Variants in AHI1 observed in about 807,000 individuals in gnomAD.
AHI1 encodes the protein Abelson helper integration site 1, also known as jouberin.
A neutral mutation model predicts 149.3 loss-of-function variants in AHI1; 123 were observed. The ratio of observed to expected loss-of-function variants is 0.82; its 90% confidence interval spans 0.71 to 0.96. The LOEUF is 0.96. Among genes scored for constraint, AHI1 ranks in the 40% least tolerant of loss-of-function variants. The pLI, the probability that AHI1 is intolerant of heterozygous loss-of-function variation, is 0.00. For missense variants in AHI1, 1,439 were observed against 1,422.7 expected (o/e 1.01, Z -0.18); for synonymous variants, 475 against 459.8 (o/e 1.03, Z -0.42).
At chr6:135,408,024 G>C (rs2757653) in intron 21 of AHI1, among the ~76,000 whole-genome samples, 89,193 of 150,756 alleles carry the variant, frequency 0.59, 26,545 homozygotes, top group Middle Eastern at 0.67. Context: ...GACAGAGTGA[G>C]ATTCCGTCTC....
rs79808313 is a variant in AHI1, at chr6:135,301,786, A to T, written c.3427-1228T>A. The T allele has an allele frequency of 7.4e-3, 7,316 of 985,428 alleles. 184 individuals carry two copies. The highest frequency in any genetic ancestry group is 0.07 in the South Asian group (1,484 of 21,290). 61.0% of individuals were successfully genotyped at this position (985,428 alleles called of 1,614,324 possible). A position where few individuals can be genotyped will look rare whatever the true frequency, so the allele number is the denominator to read the frequency against. ...CCAGTGGAATTGCTCTGACTCAGTT[A>T]AAACGTGTTTGGGAAAAAAGTACAT... is the stretch of plus-strand genomic sequence containing the variant. On this transcript the variant is annotated intron_variant, in intron 26 of 28. Coordinates refer to ENST00000265602, the MANE Select transcript of AHI1 (RefSeq NM_001134831.2).
intron 23 of AHI1, among the ~76,000 whole-genome samples, chr6:135,386,619 GTTTT>G (rs1161859068): frequency 6.6e-6 from 1 of 151,358 alleles, no homozygotes; most frequent in Non-Finnish European, 1.5e-5. Flanking sequence ...CTAGAAAAGT[GTTTT>G]TTCTTTTCTT....
intron 26 of AHI1, chr6:135,301,407 C>A (rs1783867486): frequency 5.1e-6 from 5 of 984,640 alleles, no homozygotes; most frequent in Non-Finnish European, 6.0e-6. Context: ...AGGAATACAA[C>A]CTTCTCTTTC....
chr6:135,335,041 G>T (rs1789170594), intron 24 of AHI1, among the ~76,000 whole-genome samples: 1 of 152,164 alleles, frequency 6.6e-6, no homozygotes, highest in African/African-American at 2.4e-5. Flanking sequence ...CACATATCAA[G>T]TAGTAACTGA....
intron 5 of AHI1, among the ~76,000 whole-genome samples, chr6:135,477,065 G>A (rs1346783819): frequency 3.4e-5 from 5 of 148,780 alleles, no homozygotes; most frequent in African/African-American, 1.2e-4. Flanking sequence ...TTTTGAGACA[G>A]AGTCTCGCTC....
rs1782205618 is a variant in AHI1, at chr6:135,290,491, G to C, written c.3520C>G (p.Gln1174Glu). 8.1e-6 allele frequency: 13 copies of C among 1,613,590 alleles called. No individual in the cohort carries two copies. Among genetic ancestry groups the C allele is most frequent in the Non-Finnish European group, 1.0e-5 (12 of 1,179,780 alleles). Residue 1174 changes from glutamine (Q) to glutamate (E), a missense_variant, in exon 28 of 29, where the codon CAA becomes GAA. By Grantham distance (29) the Gln-to-Glu change is conservative (BLOSUM62 2). Coordinates refer to ENST00000265602, the MANE Select transcript of AHI1 (RefSeq NM_001134831.2). ...ATCCGTGTATCCATTATGTGTCCTT[G>C]GTCCTCATGGCTCTGTTCTTTTCTC... Reference protein sequence around the residue: ...EMRKEQSHEDQGHIMDTRMRK... With the variant: ...EMRKEQSHEDEGHIMDTRMRK...
chr6:135,454,989 T>C (rs1299116433), intron 10 of AHI1, among the ~76,000 whole-genome samples: 5 of 152,186 alleles, frequency 3.3e-5, no homozygotes, highest in Non-Finnish European at 5.9e-5. Flanking sequence ...GCTGTTCCCA[T>C]GCTAAACTTC....
chr6:135,450,563 T>C (rs1787935943), intron 11 of AHI1, among the ~76,000 whole-genome samples: 1 of 152,188 alleles, frequency 6.6e-6, no homozygotes, highest in Admixed American at 6.5e-5. Context: ...TGTTCAGTCA[T>C]TAAATCATAA....
At chr6:135,341,013 G>A (rs940134783) in intron 24 of AHI1, among the ~76,000 whole-genome samples, 1 of 151,708 alleles carries the variant, frequency 6.6e-6, no homozygotes, top group Non-Finnish European at 1.5e-5. Context: ...CTAATTTAAT[G>A]CCCAAAAGTG....
In AHI1 at chr6:135,302,876, A is replaced by G. The variant is rs77335140; in HGVS notation, c.3427-2318T>C. 5,167 of 1,194,922 alleles carry G rather than the reference A, an allele frequency of 4.3e-3. 212 individuals are homozygous for G. The African/African-American group carries it at 0.075, about 17-fold the overall frequency. The allele number at this position is 1,194,922 out of a possible 1,614,324, so 74.0% of individuals were successfully genotyped here. A position where few individuals can be genotyped will look rare whatever the true frequency, so the allele number is the denominator to read the frequency against. On this transcript the variant is annotated intron_variant, in intron 26 of 28. Transcript: ENST00000265602. ...AATCAGCCCGCAAATAACCCCCACCATCGACAACGCCAAAGAACATGACTG... is the reference window on the plus strand; with the variant it reads ...AATCAGCCCGCAAATAACCCCCACCGTCGACAACGCCAAAGAACATGACTG...
chr6:135,396,160 A>G (rs1779182629), intron 22 of AHI1, among the ~76,000 whole-genome samples: 1 of 151,846 alleles, frequency 6.6e-6, no homozygotes, highest in African/African-American at 2.4e-5. Flanking sequence ...TGTCATCTCA[A>G]TAAAAAATAA....
chr6:135,314,434 A>G (rs1416813774), intron 26 of AHI1, among the ~76,000 whole-genome samples: 1 of 152,220 alleles, frequency 6.6e-6, no homozygotes, highest in Non-Finnish European at 1.5e-5. Context: ...TATTTAAGCC[A>G]CCCAGTCTAC....
At position 135,466,186 on chromosome 6, in the gene AHI1, T is replaced by C. The variant is rs1368304692; in HGVS notation, c.377A>G (p.Asn126Ser). 1.9e-6 allele frequency: 3 copies of C among 1,613,990 alleles called. No homozygotes were observed. Among genetic ancestry groups the C allele is most frequent in the African/African-American group, 1.3e-5 (1 of 75,068 alleles). ...SVEEDKQGKP[N>S]KKVIKTVPQL... ...GGGCACCGTCTTTATCACCTTTTTA[T>C]TTGGCTTTCCTTGTTTGTCTTCCTC... The change falls in exon 7 of 29, where the codon AAT (asparagine) becomes AGT (serine). Residue 126 changes from asparagine (N) to serine (S), a missense_variant. By Grantham distance (46) the Asn-to-Ser change is conservative. Transcript: ENST00000265602.
chr6:135,392,782 T>C (rs2128482417), intron 23 of AHI1, among the ~76,000 whole-genome samples: 1 of 152,320 alleles, frequency 6.6e-6, no homozygotes, highest in Non-Finnish European at 1.5e-5. Flanking sequence ...TTTGGAGGGA[T>C]GAGAAAACTC....
chr6:135,438,489 A>T lies in AHI1; in HGVS notation c.1922T>A (p.Ile641Asn). ...TTCTCTCATGAAACGTCCAGAAGGA[A>T]TTTCATATACTAATGAAAATATTTA... ...RDGYPIILYE[I>N]PSGRFMRELC... The change falls in exon 15 of 29, where the codon ATT (isoleucine) becomes AAT (asparagine). Residue 641 changes from isoleucine (I) to asparagine (N), a missense_variant. Physicochemically the swap from Ile to Asn is moderately radical, Grantham distance 149. Coordinates refer to ENST00000265602, the MANE Select transcript of AHI1 (RefSeq NM_001134831.2). The T allele has an allele frequency of 1.3e-6, 2 of 1,544,754 alleles. No individual in the cohort carries two copies. Among genetic ancestry groups the T allele is most frequent in the South Asian group, 2.4e-5 (2 of 82,610 alleles).
Position 135,453,393 on chromosome 6 carries a change from T to C in AHI1, c.1388A>G (p.Glu463Gly). The part of the protein sequence containing the change: ...LSVDEIKNNS[E>G]VQNQECGFRK... ...AAAGCCACATTCTTGGTTTTGAACCTCAGAATTATTCTTAATTTCATCCAC... is the reference window on the plus strand; with the variant it reads ...AAAGCCACATTCTTGGTTTTGAACCCCAGAATTATTCTTAATTTCATCCAC... The change falls in exon 11 of 29, where the codon GAG becomes GGG. Residue 463 changes from glutamate to glycine, a missense_variant. By Grantham distance (98) the Glu-to-Gly change is moderately conservative. Coordinates refer to ENST00000265602, the MANE Select transcript of AHI1 (RefSeq NM_001134831.2). The C allele has an allele frequency of 1.3e-6, 2 of 1,560,996 alleles. No individual in the cohort carries two copies. The highest frequency in any genetic ancestry group is 8.7e-7 in the Non-Finnish European group (1 of 1,151,242).
chr6:135,441,966 G>C (rs926494888), intron 14 of AHI1, among the ~76,000 whole-genome samples: 1 of 152,120 alleles, frequency 6.6e-6, no homozygotes, highest in African/African-American at 2.4e-5. Flanking sequence ...GTTTAGGGCA[G>C]ATGCCCACAA....
Position 135,466,267 on chromosome 6 carries a change from T to G in AHI1, c.296A>C (p.Asn99Thr). ...NLKKSTRVTK[N>T]KLRNTQLATE... is the part of the protein sequence containing the mutation. The stretch of plus-strand genomic sequence containing the variant: ...TGCTAACTGTGTGTTCCTCAATTTG[T>G]TTTTAGTGACTCTCGTGCTCTTCTT... Residue 99 changes from asparagine to threonine, a missense_variant, in exon 7 of 29, where the codon AAC becomes ACC. Asn to Thr is a moderately conservative substitution (Grantham distance 65). Coordinates refer to ENST00000265602, the MANE Select transcript of AHI1 (RefSeq NM_001134831.2). The G allele has an allele frequency of 6.2e-7, 1 of 1,613,936 alleles. No individual in the cohort carries two copies. The highest frequency in any genetic ancestry group is 8.5e-7 in the Non-Finnish European group (1 of 1,179,848).
chr6:135,379,541 T>G (rs902503111), intron 23 of AHI1, among the ~76,000 whole-genome samples: 6 of 152,212 alleles, frequency 3.9e-5, no homozygotes, highest in Non-Finnish European at 5.9e-5. Flanking sequence ...ATCATCTGCA[T>G]TCTCTAGTAC....
Sources: allele counts gnomAD v4.1 joint callset (sites outside exome capture counted in the v4.1 genomes callset), GRCh38; gene constraint gnomAD v4.1.1; transcripts MANE v1.5; gene names NCBI Gene and HGNC (gene_info 2026-07-23, HGNC 2026-07-21).